Variants in LRRC37A2 observed in about 807,000 individuals in gnomAD.
The protein encoded by LRRC37A2 is leucine-rich repeat-containing protein 37A2.
LRRC37A2 carries 9 observed loss-of-function variants against 68.8 expected under a neutral mutation model. The ratio of observed to expected loss-of-function variants is 0.13; its 90% confidence interval spans 0.08 to 0.23. LRRC37A2 has a LOEUF of 0.23. Among genes scored for constraint, LRRC37A2 ranks in the 10% least tolerant of loss-of-function variants. The pLI is 1.00. For synonymous variants in LRRC37A2, 63 were observed against 367.6 expected (o/e 0.17, Z 9.48); for missense variants, 168 against 950.4 (o/e 0.18, Z 10.82).
At chr17:46,721,192 T>C in the LRRC37A2 span, among the ~76,000 whole-genome samples, 3 of 152,200 alleles carry the variant, frequency 2.0e-5, no homozygotes, top group Non-Finnish European at 4.4e-5. Flanking sequence ...CTGGGTTGTC[T>C]CTCATACCCC....
chr17:46,850,181 T>C, the LRRC37A2 span, among the ~76,000 whole-genome samples: 30 of 152,348 alleles, frequency 2.0e-4, 2 homozygotes, highest in African/African-American at 6.7e-4. Context: ...ACAAAAATCC[T>C]GTTAGATATT....
chr17:46,721,033 C>A, the LRRC37A2 span, among the ~76,000 whole-genome samples: 1 of 152,192 alleles, frequency 6.6e-6, no homozygotes, highest in Non-Finnish European at 1.5e-5. Context: ...CAGGAGTGGG[C>A]TCTGGGACTT....
At chr17:46,541,395 G>A (rs1452422626) in intron 8 of LRRC37A2, among the ~76,000 whole-genome samples, 1 of 147,908 alleles carries the variant, frequency 6.8e-6, no homozygotes, top group Non-Finnish European at 1.5e-5. Flanking sequence ...GGGATTACAG[G>A]CGCATGCCAC....
chr17:46,688,861 C>A, the LRRC37A2 span, among the ~76,000 whole-genome samples: 1 of 82,876 alleles, frequency 1.2e-5, no homozygotes, highest in Non-Finnish European at 2.0e-5. Context: ...TTTACTTGTA[C>A]CATACACAAA....
the LRRC37A2 span, among the ~76,000 whole-genome samples, chr17:46,767,757 GCACA>G: frequency 6.6e-6 from 1 of 152,070 alleles, no homozygotes; most frequent in African/African-American, 2.4e-5. Context: ...CACCTAATGT[GCACA>G]CACTGAATTT....
the LRRC37A2 span, among the ~76,000 whole-genome samples, chr17:47,005,405 A>G: frequency 6.6e-6 from 1 of 152,096 alleles, no homozygotes; most frequent in South Asian, 2.1e-4. Flanking sequence ...AGCAACTGTT[A>G]AGTCTGTTTT....
At chr17:46,429,041 A>T in the LRRC37A2 span, among the ~76,000 whole-genome samples, 4 of 139,402 alleles carry the variant, frequency 2.9e-5, no homozygotes, top group East Asian at 8.6e-4. Flanking sequence ...AAACCCTTAA[A>T]GGAGAAAGGA....
At chr17:46,870,007 A>G in the LRRC37A2 span, among the ~76,000 whole-genome samples, 3 of 152,046 alleles carry the variant, frequency 2.0e-5, no homozygotes, top group African/African-American at 7.3e-5. Context: ...AAAAAAAAAA[A>G]TGTTATATAT....
At chr17:46,972,224 C>G in the LRRC37A2 span, among the ~76,000 whole-genome samples, 1 of 152,172 alleles carries the variant, frequency 6.6e-6, no homozygotes, top group African/African-American at 2.4e-5. Flanking sequence ...CTTTGCTTCT[C>G]CCGCCACCCG....
At chr17:46,521,643 A>G (rs1177614763) in intron 4 of LRRC37A2, among the ~76,000 whole-genome samples, 1 of 71,678 alleles carries the variant, frequency 1.4e-5, no homozygotes, top group Non-Finnish European at 3.4e-5. Context: ...AGAGGAAAAA[A>G]TGCCTTCAAT....
chr17:46,877,644 T>C, the LRRC37A2 span, among the ~76,000 whole-genome samples: 2 of 152,166 alleles, frequency 1.3e-5, no homozygotes, highest in Non-Finnish European at 2.9e-5. Context: ...CGTGGCGAGC[T>C]CAGTTTCTCA....
the LRRC37A2 span, among the ~76,000 whole-genome samples, chr17:46,730,919 G>A: frequency 2.0e-5 from 3 of 152,112 alleles, no homozygotes; most frequent in Non-Finnish European, 2.9e-5. Context: ...AATGACAAGC[G>A]CTGGTGCAGA....
the LRRC37A2 span, among the ~76,000 whole-genome samples, chr17:46,982,707 GA>G: frequency 1.3e-5 from 2 of 152,108 alleles, no homozygotes; most frequent in Non-Finnish European, 2.9e-5. Flanking sequence ...GCTGGGGAGG[GA>G]AAAAGACATC....
the LRRC37A2 span, among the ~76,000 whole-genome samples, chr17:46,849,056 A>G: frequency 6.6e-6 from 1 of 152,178 alleles, no homozygotes; most frequent in Non-Finnish European, 1.5e-5. Context: ...CAGAAGCAGA[A>G]CTCTGAAGCC....
the LRRC37A2 span, among the ~76,000 whole-genome samples, chr17:47,000,507 T>C: frequency 6.6e-6 from 1 of 152,050 alleles, no homozygotes; most frequent in Non-Finnish European, 1.5e-5. Context: ...AGTGCTGGAT[T>C]ACAAGCCTGA....
the LRRC37A2 span, among the ~76,000 whole-genome samples, chr17:46,708,541 G>C: frequency 2.1e-5 from 3 of 144,600 alleles, no homozygotes; most frequent in East Asian, 6.1e-4. Flanking sequence ...ACCCAGGCTG[G>C]AGTGCAGTGG....
the LRRC37A2 span, among the ~76,000 whole-genome samples, chr17:46,718,194 G>A: frequency 1.3e-5 from 2 of 152,114 alleles, no homozygotes; most frequent in Non-Finnish European, 2.9e-5. Flanking sequence ...GCTCTCCCCT[G>A]ACCCACCCCA....
At chr17:46,897,403 T>A in the LRRC37A2 span, among the ~76,000 whole-genome samples, 1 of 152,150 alleles carries the variant, frequency 6.6e-6, no homozygotes, top group African/African-American at 2.4e-5. Context: ...TCCCCTGGGG[T>A]TGTTGACATC....
the LRRC37A2 span, among the ~76,000 whole-genome samples, chr17:46,715,918 G>A: frequency 6.6e-6 from 1 of 152,196 alleles, no homozygotes; most frequent in Middle Eastern, 3.4e-3. Context: ...CGGATCATCC[G>A]TGCACTCTTA....
Sources: allele counts gnomAD v4.1 joint callset (sites outside exome capture counted in the v4.1 genomes callset), GRCh38; gene constraint gnomAD v4.1.1; transcripts MANE v1.5; gene names NCBI Gene and HGNC (gene_info 2026-07-23, HGNC 2026-07-21).